IRX2: variants seen among roughly 807,000 people sequenced by gnomAD.
IRX2 encodes iroquois-class homeodomain protein IRX-2.
Under a neutral mutation model 42.9 loss-of-function variants are expected in IRX2, and 26 were observed. That is an observed-to-expected ratio of 0.61 (90% CI 0.44 to 0.84). The LOEUF is 0.84. IRX2 is among the 40% of genes least tolerant of loss of function. The pLI is 0.00. For synonymous variants in IRX2, 424 were observed against 353.9 expected, an observed-to-expected ratio of 1.20 and a Z score of -2.22; for missense variants, 782 against 713.9, an observed-to-expected ratio of 1.10 and a Z score of -1.09.
chr5:2,748,144 A>C (rs1483084721), intron 3 of IRX2, among the ~76,000 whole-genome samples: 1 of 152,204 alleles, frequency 6.6e-6, no homozygotes, highest in Non-Finnish European at 1.5e-5. Context: ...AAAATAAATA[A>C]TAACAGGGCA....
rs1199962503 is a variant in IRX2, at chr5:2,746,463, C to T, written c.*1101G>A. 6.6e-6 allele frequency: 1 copy of T among 152,234 alleles called. No individual in the cohort carries two copies. The highest frequency in any genetic ancestry group is 1.5e-5 in the Non-Finnish European group (1 of 68,040). 9.4% of individuals were successfully genotyped at this position (152,234 alleles called of 1,614,324 possible). On this transcript the variant is annotated 3_prime_UTR_variant, in exon 4 of 4. Transcript: ENST00000302057. ...AAATAAACTTTACAGTAAATCCTAT[C>T]ACACCTATAGAATATATACCGTGGC...
At chr5:2,740,193 G>T in the IRX2 span, among the ~76,000 whole-genome samples, 1 of 151,846 alleles carries the variant, frequency 6.6e-6, no homozygotes, top group African/African-American at 2.4e-5. Flanking sequence ...GGGGGCGGGG[G>T]TCCTGCCCAT....
chr5:2,740,499 G>C, the IRX2 span, among the ~76,000 whole-genome samples: 1 of 152,190 alleles, frequency 6.6e-6, no homozygotes, highest in African/African-American at 2.4e-5. Context: ...GCAGAAATGG[G>C]CCTAGAGGTG....
chr5:2,749,889 G>A (rs565057362), intron 1 of IRX2, 102 bp from the exon 2 acceptor site: 10 of 1,253,304 alleles, frequency 8.0e-6, no homozygotes, highest in African/African-American at 6.0e-5. Context: ...CGTTCCCCCC[G>A]TGAGTCTGGC....
chr5:2,742,057 G>A (rs1737556650), downstream of IRX2, among the ~76,000 whole-genome samples: 1 of 152,158 alleles, frequency 6.6e-6, no homozygotes, highest in South Asian at 2.1e-4. Flanking sequence ...CTTCACGGTA[G>A]GAAACACAAG....
chr5:2,741,834 G>T (rs1370865253), downstream of IRX2, among the ~76,000 whole-genome samples: 1 of 152,142 alleles, frequency 6.6e-6, no homozygotes, highest in Non-Finnish European at 1.5e-5. Context: ...GCTCCATATA[G>T]AACAAAGTAA....
downstream of IRX2, among the ~76,000 whole-genome samples, chr5:2,741,694 C>T (rs1369914577): frequency 1.3e-5 from 2 of 152,154 alleles, no homozygotes; most frequent in East Asian, 1.9e-4. Context: ...CACAAAAATG[C>T]GAGTGCTTGT....
chr5:2,743,317 A>AT (rs1737583376), downstream of IRX2, among the ~76,000 whole-genome samples: 1 of 152,198 alleles, frequency 6.6e-6, no homozygotes, highest in East Asian at 1.9e-4. Flanking sequence ...TGCAGAAACA[A>AT]TAACTCTTTT....
At chr5:2,738,055 G>A in the IRX2 span, among the ~76,000 whole-genome samples, 1 of 152,250 alleles carries the variant, frequency 6.6e-6, no homozygotes, top group Non-Finnish European at 1.5e-5. Context: ...GCACCTGAAT[G>A]TGTTATTTGC....
chr5:2,748,485 A>G lies in IRX2; in HGVS notation c.1223T>C (p.Leu408Pro), dbSNP rs1389228973. 7 of 1,579,834 alleles carry G rather than the reference A, an allele frequency of 4.4e-6. No individual in the cohort carries two copies. The Admixed American group carries it at 8.8e-5, about 20-fold the overall frequency. ...GGCCGCGGCCGCAGAGTTGTACCGC[A>G]GGAGACCCTGGCCCTGCAGCGCCGC... is the stretch of plus-strand genomic sequence containing the variant. ...LNAALQGQGL[L>P]RYNSAAAAPG... Residue 408 changes from leucine (L) to proline (P), a missense_variant, in exon 3 of 4, where the codon CTG (leucine) becomes CCG (proline). Transcript: ENST00000302057.
the IRX2 span, among the ~76,000 whole-genome samples, chr5:2,735,650 T>A: frequency 1.1e-4 from 16 of 152,234 alleles, no homozygotes; most frequent in African/African-American, 2.9e-4. Context: ...AAATATTTTT[T>A]AAAAAATCAA....
At chr5:2,738,459 C>T in the IRX2 span, among the ~76,000 whole-genome samples, 1 of 152,202 alleles carries the variant, frequency 6.6e-6, no homozygotes, top group African/African-American at 2.4e-5. Flanking sequence ...AATAAACTAA[C>T]GTCATCCTGG....
intron 1 of IRX2, 83 bp from the exon 2 acceptor site, chr5:2,749,870 C>A (rs1560950992): frequency 5.0e-6 from 7 of 1,401,462 alleles, no homozygotes; most frequent in Non-Finnish European, 6.7e-6. Context: ...TCCGCCCGCC[C>A]ACGGCCACCG....
downstream of IRX2, among the ~76,000 whole-genome samples, chr5:2,741,685 A>C (rs1473023250): frequency 6.6e-6 from 1 of 152,202 alleles, no homozygotes; most frequent in Admixed American, 6.5e-5. Flanking sequence ...TTATCTCCCC[A>C]CAAAAATGCG....
chr5:2,748,367 G>A lies in IRX2; in HGVS notation c.1341C>T (p.Gly447=), dbSNP rs556317476. The part of the protein sequence containing the change: ...HPLESHYRSP[G]GGYEPKKDAS... Reference sequence around the variant, plus strand: ...TACCTTTCTTGGGCTCGTAGCCGCCGCCCGGGGACCGGTAGTGGGACTCGA... The same window carrying A: ...TACCTTTCTTGGGCTCGTAGCCGCCACCCGGGGACCGGTAGTGGGACTCGA... Residue 447 remains glycine (G), a synonymous_variant, in exon 3 of 4, where the codon GGC becomes GGT. Transcript: ENST00000302057. 3.7e-5 allele frequency: 54 copies of A among 1,456,144 alleles called. No individual in the cohort carries two copies. In the South Asian group the frequency reaches 5.6e-4, roughly 15 times the overall value. The allele number at this position is 1,456,144 out of a possible 1,614,324, so 90.2% of individuals were successfully genotyped here.
At chr5:2,738,319 G>A in the IRX2 span, among the ~76,000 whole-genome samples, 61 of 152,290 alleles carry the variant, frequency 4.0e-4, no homozygotes, top group African/African-American at 1.3e-3. Flanking sequence ...GTTTATATCT[G>A]GGCCCATTAT....
Position 2,751,555 on chromosome 5 carries a change from T to C in IRX2, c.-142A>G. ...AGGCAGGCCGGCCCGGGTACTAGCCTGGGCGGCCCGCGGGCCGGGGCGGCG... is the reference window on the plus strand; with the variant it reads ...AGGCAGGCCGGCCCGGGTACTAGCCCGGGCGGCCCGCGGGCCGGGGCGGCG... On this transcript the variant is annotated 5_prime_UTR_variant, in exon 1 of 4. Transcript: ENST00000302057. The surrounding 1 kb of genome is among the most constrained non-coding windows in gnomAD (Gnocchi z 4.0). The C allele has an allele frequency of 2.6e-6, 1 of 391,404 alleles. No homozygotes were observed. Among genetic ancestry groups the C allele is most frequent in the Non-Finnish European group, 3.4e-6 (1 of 293,604 alleles). 24.2% of individuals were successfully genotyped at this position (391,404 alleles called of 1,614,324 possible).
downstream of IRX2, among the ~76,000 whole-genome samples, chr5:2,745,187 C>T (rs1004173564): frequency 7.2e-5 from 11 of 152,132 alleles, no homozygotes; most frequent in African/African-American, 2.2e-4. Flanking sequence ...AGACCTCCCC[C>T]GCTGGGATCC....
chr5:2,735,723 T>C, the IRX2 span, among the ~76,000 whole-genome samples: 10 of 152,312 alleles, frequency 6.6e-5, no homozygotes, highest in East Asian at 1.9e-3. Context: ...AAGCAGAGTC[T>C]GGCATCCTGG....
Sources: allele counts gnomAD v4.1 joint callset (sites outside exome capture counted in the v4.1 genomes callset), GRCh38; gene constraint gnomAD v4.1.1; non-coding constraint Gnocchi (gnomAD v3.1); transcripts MANE v1.5; gene names NCBI Gene and HGNC (gene_info 2026-07-23, HGNC 2026-07-21).